Variants in RAD51B observed in about 807,000 individuals in gnomAD.
RAD51B encodes the protein RAD51 paralog B, also known as DNA repair protein RAD51 homolog 2.
A neutral mutation model predicts 42.2 loss-of-function variants in RAD51B; 38 were observed. The ratio of observed to expected loss-of-function variants is 0.90; its 90% confidence interval spans 0.70 to 1.18. The LOEUF (loss-of-function observed/expected upper bound fraction) is 1.18, where lower values mean the gene tolerates loss of function less well. Among genes scored for constraint, RAD51B ranks in the 50% most tolerant of loss-of-function variants. The probability of loss-of-function intolerance (pLI) is 0.00; values close to 1 mark genes in which losing one functional copy is unlikely to be tolerated. For missense variants in RAD51B, 373 were observed against 400.7 expected, an observed-to-expected ratio of 0.93 and a Z score of 0.59; for synonymous variants, 154 against 145.2, an observed-to-expected ratio of 1.06 and a Z score of -0.43.
chr14:68,458,727 G>A (rs1028076847), intron 9 of RAD51B, among the ~76,000 whole-genome samples: 1 of 150,880 alleles, frequency 6.6e-6, no homozygotes, highest in African/African-American at 2.4e-5. Context: ...ATTTTTTAGG[G>A]ATTCAGATCA....
intron 10 of RAD51B, among the ~76,000 whole-genome samples, chr14:68,589,027 G>A (rs1015763854): frequency 3.3e-5 from 5 of 152,156 alleles, no homozygotes; most frequent in Non-Finnish European, 5.9e-5. Context: ...GACCTGGGGC[G>A]AGTCCCTTAA....
intron 8 of RAD51B, among the ~76,000 whole-genome samples, chr14:68,383,986 G>A (rs1293126445): frequency 6.6e-6 from 1 of 152,180 alleles, no homozygotes; most frequent in Non-Finnish European, 1.5e-5. Context: ...AGGGTCACTG[G>A]GTAGGGAAGC....
intron 10 of RAD51B, among the ~76,000 whole-genome samples, chr14:68,526,403 A>G (rs542238344): frequency 1.2e-4 from 18 of 152,330 alleles, no homozygotes; most frequent in Admixed American, 1.1e-3. Context: ...AACCCACCTA[A>G]TGATATATTT....
chr14:68,074,165 A>G (rs1368088720), intron 7 of RAD51B, among the ~76,000 whole-genome samples: 2 of 152,116 alleles, frequency 1.3e-5, no homozygotes, highest in African/African-American at 4.8e-5. Context: ...GGATGCCAAT[A>G]AGTTGTTGAT....
At chr14:68,398,572 AC>A (rs887122493) in intron 8 of RAD51B, among the ~76,000 whole-genome samples, 1 of 152,108 alleles carries the variant, frequency 6.6e-6, no homozygotes, top group African/African-American at 2.4e-5. Context: ...CGCCCCTCCT[AC>A]CAAGTCTCTC....
intron 4 of RAD51B, among the ~76,000 whole-genome samples, chr14:67,850,001 C>T (rs77524351): frequency 1.2e-3 from 183 of 152,218 alleles, no homozygotes; most frequent in African/African-American, 4.3e-3. Context: ...GTTGGCACTT[C>T]TAAATTTTTG....
At chr14:68,040,091 C>G (rs924519495) in intron 7 of RAD51B, among the ~76,000 whole-genome samples, 1 of 152,178 alleles carries the variant, frequency 6.6e-6, no homozygotes, top group Non-Finnish European at 1.5e-5. Context: ...GATAGCTTCA[C>G]AATTCATGAT....
Position 68,298,775 on chromosome 14 carries a change from CT to C in RAD51B, c.853+6797del, listed in dbSNP as rs1410942453. On this transcript the variant is annotated intron_variant, in intron 8 of 10. Transcript: ENST00000471583. ...TAGAAGGACTCTCTGAGAAGAGATC[CT>C]TGTTTTCCATCACTGCAGAGAATGC... is the stretch of plus-strand genomic sequence containing the variant. Among the ~76,000 whole-genome samples the C allele has an allele frequency of 9.9e-5, 15 of 152,254 alleles. No homozygotes were observed. In the East Asian group the frequency reaches 2.9e-3, roughly 29 times the overall value.
At chr14:68,588,151 C>A (rs1890578305) in intron 10 of RAD51B, among the ~76,000 whole-genome samples, 1 of 152,188 alleles carries the variant, frequency 6.6e-6, no homozygotes, top group East Asian at 1.9e-4. Context: ...CTAATGCCAG[C>A]TTTGTCACTC....
chr14:68,214,213 G>A (rs866970180), intron 7 of RAD51B, among the ~76,000 whole-genome samples: 6 of 152,308 alleles, frequency 3.9e-5, no homozygotes, highest in African/African-American at 1.2e-4. Context: ...AATGAGAGAG[G>A]AGGAAACCTA....
intron 7 of RAD51B, among the ~76,000 whole-genome samples, chr14:68,188,316 C>G (rs771567454): frequency 6.7e-6 from 1 of 148,656 alleles, no homozygotes; most frequent in African/African-American, 2.5e-5. Context: ...TCTTCCTCCT[C>G]CTCCCTCCAT....
chr14:68,624,292 G>T (rs1892020756), intron 10 of RAD51B, among the ~76,000 whole-genome samples: 4 of 152,130 alleles, frequency 2.6e-5, no homozygotes, highest in African/African-American at 9.7e-5. Flanking sequence ...TCATACTTAG[G>T]GGCAAGGGCA....
chr14:68,102,308 T>C (rs60562079), intron 7 of RAD51B, among the ~76,000 whole-genome samples: 15,694 of 152,262 alleles, frequency 0.1, 2,457 homozygotes, highest in African/African-American at 0.34. Context: ...TTCTGTAGTC[T>C]GCTTGAATTT....
chr14:67,913,906 TC>T (rs2044067843), intron 7 of RAD51B, among the ~76,000 whole-genome samples: 1 of 152,036 alleles, frequency 6.6e-6, no homozygotes, highest in African/African-American at 2.4e-5. Flanking sequence ...CCATAAACCA[TC>T]CCCACTTCTC....
intron 10 of RAD51B, among the ~76,000 whole-genome samples, chr14:68,606,845 T>TTGTC (rs1487529724): frequency 1.3e-5 from 2 of 152,226 alleles, no homozygotes; most frequent in Non-Finnish European, 2.9e-5. Flanking sequence ...CTGTGTGACC[T>TTGTC]TGTCTAGTTC....
intron 8 of RAD51B, among the ~76,000 whole-genome samples, chr14:68,298,087 C>T (rs1178372293): frequency 6.6e-6 from 1 of 152,134 alleles, no homozygotes; most frequent in Non-Finnish European, 1.5e-5. Context: ...CATATGTCTT[C>T]CAGCAGCTGT....
At chr14:67,931,521 A>C (rs1246331645) in intron 7 of RAD51B, among the ~76,000 whole-genome samples, 2 of 81,448 alleles carry the variant, frequency 2.5e-5, no homozygotes, top group East Asian at 6.3e-4. Flanking sequence ...TTTTTTTTTG[A>C]GACAGAGTTT....
At chr14:68,647,454 AAG>A (rs1892585697) in intron 10 of RAD51B, among the ~76,000 whole-genome samples, 5 of 152,260 alleles carry the variant, frequency 3.3e-5, no homozygotes, top group African/African-American at 1.2e-4. Flanking sequence ...TTATTTTTCT[AAG>A]AGGTTTTTTT....
chr14:68,511,994 C>G (rs1312971592), intron 10 of RAD51B, among the ~76,000 whole-genome samples: 1 of 152,240 alleles, frequency 6.6e-6, no homozygotes, highest in Non-Finnish European at 1.5e-5. Context: ...AAAACAGACA[C>G]ATTTCTGTGG....
Sources: gnomAD v4.1 joint callset for allele counts (sites outside exome capture counted in the v4.1 genomes callset) on GRCh38, gnomAD v4.1.1 for gene constraint, MANE v1.5 for transcripts, NCBI Gene and HGNC (gene_info 2026-07-23, HGNC 2026-07-21) for gene names.